The following CYLC2 variants were observed in gnomAD, a reference collection of about 807,000 sequenced individuals.
CYLC2 encodes cylicin 2.
A neutral mutation model predicts 26.1 loss-of-function variants in CYLC2; 30 were observed. The ratio of observed to expected loss-of-function variants is 1.15; its 90% CI spans 0.86 to 1.56. CYLC2 has a LOEUF of 1.56. CYLC2 is among the 40% of genes most tolerant of loss of function. The probability of loss-of-function intolerance (pLI) is 0.00; values close to 1 mark genes in which losing one functional copy is unlikely to be tolerated. For missense variants in CYLC2, 498 were observed against 394.4 expected, an observed-to-expected ratio of 1.26 and a Z score of -2.23; for synonymous variants, 158 against 132.8, an observed-to-expected ratio of 1.19 and a Z score of -1.31.
At chr9:103,007,196 G>C (rs757216603) in intron 5 of CYLC2, among the ~76,000 whole-genome samples, 1 of 152,094 alleles carries the variant, frequency 6.6e-6, no homozygotes, top group Non-Finnish European at 1.5e-5. Context: ...AGAACATGGA[G>C]AGACAACGAA....
At chr9:103,003,362 T>G in intron 3 of CYLC2, 99 bp downstream of exon 3, 1 of 1,069,998 alleles carries the variant, frequency 9.3e-7, no homozygotes, top group Non-Finnish European at 1.3e-6. Context: ...AAGTAATCAC[T>G]AAGTAGTAAG....
At chr9:103,014,441 A>AATATACATAATGTATATTACG (rs1829465030) in intron 6 of CYLC2, among the ~76,000 whole-genome samples, 3 of 112,822 alleles carry the variant, frequency 2.7e-5, no homozygotes, top group African/African-American at 9.2e-5. Flanking sequence ...TGTATATTAC[A>AATATACATAATGTATATTACG]TAATATACAT....
At chr9:102,995,457 C>CT in intron 1 of CYLC2, 60 bp downstream of exon 1, 1 of 1,244,070 alleles carries the variant, frequency 8.0e-7, no homozygotes, top group Non-Finnish European at 1.2e-6. Context: ...CATTTAACTT[C>CT]TTTAGTATGA....
At chr9:102,997,727 T>C (rs1399916488) in intron 1 of CYLC2, among the ~76,000 whole-genome samples, 1 of 151,960 alleles carries the variant, frequency 6.6e-6, no homozygotes, top group African/African-American at 2.4e-5. Flanking sequence ...CCTTTGACTT[T>C]GAATCCACTA....
intron 6 of CYLC2, among the ~76,000 whole-genome samples, chr9:103,013,148 T>C (rs1038379072): frequency 7.6e-5 from 7 of 92,044 alleles, no homozygotes; most frequent in African/African-American, 2.8e-4. Context: ...AAATATATCA[T>C]ATATAAATAT....
At chr9:102,995,646 C>A (rs1829229704) in intron 1 of CYLC2, among the ~76,000 whole-genome samples, 2 of 151,656 alleles carry the variant, frequency 1.3e-5, no homozygotes, top group African/African-American at 4.8e-5. Context: ...TTTTTTACTG[C>A]TAGTCTTACT....
chr9:102,995,373 TG>T lies in CYLC2; in HGVS notation c.-4del, dbSNP rs750992009. On this transcript the variant is annotated 5_prime_UTR_variant, in exon 1 of 8. Transcript: ENST00000374798. ...TACTTAAGTCCTGGCAAGTCATAAG[TG>T]GGGAAAATGTCTCTCCCAAGATTGT... The T allele has an allele frequency of 2.5e-6, 4 of 1,604,182 alleles. No individual in the cohort carries two copies. In the African/African-American group the frequency reaches 5.4e-5, roughly 21 times the overall value.
intron 6 of CYLC2, among the ~76,000 whole-genome samples, chr9:103,013,049 C>A (rs1829424891): frequency 1.4e-5 from 2 of 144,590 alleles, no homozygotes; most frequent in Admixed American, 7.2e-5. Flanking sequence ...ACCAAAAATG[C>A]ACTTAAAAAC....
chr9:103,012,935 G>C (rs867574127), intron 6 of CYLC2, among the ~76,000 whole-genome samples: 2 of 149,892 alleles, frequency 1.3e-5, no homozygotes, highest in Non-Finnish European at 3.0e-5. Context: ...TTTGGCATTC[G>C]GAAAAAAAGT....
At chr9:102,997,911 T>C (rs1829253547) in intron 1 of CYLC2, among the ~76,000 whole-genome samples, 1 of 151,958 alleles carries the variant, frequency 6.6e-6, no homozygotes, top group Non-Finnish European at 1.5e-5. Flanking sequence ...AGAATAGAAA[T>C]AGATTTTTCT....
At chr9:103,013,300 CAT>C (rs1829435120) in intron 6 of CYLC2, among the ~76,000 whole-genome samples, 1 of 44,502 alleles carries the variant, frequency 2.2e-5, no homozygotes, top group African/African-American at 1.1e-4. Flanking sequence ...TATATATTTA[CAT>C]GTTATATGTT....
intron 6 of CYLC2, among the ~76,000 whole-genome samples, chr9:103,014,437 T>G (rs1829464742): frequency 1.0e-5 from 1 of 96,942 alleles, no homozygotes; most frequent in Non-Finnish European, 2.2e-5. Context: ...ATAATGTATA[T>G]TACATAATAT....
Sources: gnomAD v4.1 joint callset for allele counts (sites outside exome capture counted in the v4.1 genomes callset) on GRCh38, gnomAD v4.1.1 for gene constraint, MANE v1.5 for transcripts, NCBI Gene and HGNC (gene_info 2026-07-23, HGNC 2026-07-21) for gene names.